Variants in SCP2 observed in about 807,000 individuals in gnomAD.
SCP2 encodes sterol carrier protein 2, also known as SCP-2/3-oxoacyl-CoA thiolase.
A neutral mutation model predicts 71.4 loss-of-function variants in SCP2; 48 were observed. That is an observed-to-expected ratio of 0.67 (90% CI 0.53 to 0.86). The LOEUF is 0.86. Among genes scored for constraint, SCP2 ranks in the 40% least tolerant of loss-of-function variants. The pLI, the probability that SCP2 is intolerant of heterozygous loss-of-function variation, is 0.00. For synonymous variants in SCP2, 220 were observed against 218.1 expected (o/e 1.01, Z -0.08); for missense variants, 560 against 655.6 (o/e 0.85, Z 1.59).
rs1036904456 is a variant in SCP2 at position 53,047,802 on chromosome 1, A to G, written c.1469-56A>G. ...AGTCAGTGGCTCTTGACAAAAATGTATATGTGAAACTGAACACCTCCTATT... is the reference window on the plus strand; with the variant it reads ...AGTCAGTGGCTCTTGACAAAAATGTGTATGTGAAACTGAACACCTCCTATT... On this transcript the variant is annotated intron_variant, in intron 14 of 15. Transcript: ENST00000371514. The G allele has an allele frequency of 4.9e-6, 6 of 1,226,672 alleles. No homozygotes were observed. In the South Asian group the frequency reaches 7.2e-5, roughly 15 times the overall value. The allele number at this position is 1,226,672 out of a possible 1,614,324, so 76.0% of individuals were successfully genotyped here. A position where few individuals can be genotyped will look rare whatever the true frequency, so the allele number is the denominator to read the frequency against.
In SCP2 at chr1:52,984,564, T is replaced by C. The variant is rs554561862; in HGVS notation, c.974-3465T>C. ...TTTTTTTTTTTTCTTTGAGATGGAG[T>C]TTCTCTCTTGTTGCCCAGGCTGGAG... On this transcript the variant is annotated intron_variant, in intron 10 of 15. Coordinates refer to ENST00000371514, the MANE Select transcript of SCP2 (RefSeq NM_002979.5). Among the ~76,000 whole-genome samples, 10 of 151,748 alleles carry C rather than the reference T, an allele frequency of 6.6e-5. No individual in the cohort carries two copies. In the East Asian group the frequency reaches 1.4e-3, roughly 21 times the overall value.
At chr1:53,035,976 G>T (rs986112220) in intron 13 of SCP2, among the ~76,000 whole-genome samples, 1 of 144,426 alleles carries the variant, frequency 6.9e-6, no homozygotes, top group Non-Finnish European at 1.5e-5. Flanking sequence ...GCCGAGATCA[G>T]GCCACTGCAC....
intron 12 of SCP2, among the ~76,000 whole-genome samples, chr1:53,025,191 C>T (rs529893006): frequency 6.6e-6 from 1 of 152,062 alleles, no homozygotes; most frequent in Admixed American, 6.6e-5. Flanking sequence ...CAGTTTGCCC[C>T]TCCCTCCTGG....
chr1:52,995,443 G>A (rs771666786), intron 11 of SCP2: 2 of 443,258 alleles, frequency 4.5e-6, no homozygotes, highest in Non-Finnish European at 4.6e-6. Context: ...CCACTTCCCT[G>A]GCCAGCTCAA....
chr1:53,047,601 T>C (rs1572239740), intron 14 of SCP2, among the ~76,000 whole-genome samples: 1 of 152,242 alleles, frequency 6.6e-6, no homozygotes, highest in South Asian at 2.1e-4. Context: ...TCATTTCTTA[T>C]TGTGGCTTGT....
chr1:52,972,043 C>A (rs1386160044), intron 6 of SCP2, among the ~76,000 whole-genome samples: 1 of 152,088 alleles, frequency 6.6e-6, no homozygotes, highest in Non-Finnish European at 1.5e-5. Context: ...CTGAGGCTAT[C>A]ATTTGGGGGT....
intron 1 of SCP2, among the ~76,000 whole-genome samples, chr1:52,929,184 C>T (rs1572031726): frequency 6.9e-6 from 1 of 144,396 alleles, no homozygotes; most frequent in East Asian, 2.0e-4. Context: ...ATTGACTAGA[C>T]AACACTGTAA....
chr1:53,042,558 A>G (rs929813495), intron 14 of SCP2, among the ~76,000 whole-genome samples: 1 of 152,148 alleles, frequency 6.6e-6, no homozygotes, highest in Non-Finnish European at 1.5e-5. Context: ...TGAAACTGAC[A>G]CTTATTGGCA....
chr1:53,026,740 C>G (rs6588452), intron 12 of SCP2, among the ~76,000 whole-genome samples: 2 of 151,738 alleles, frequency 1.3e-5, no homozygotes, highest in South Asian at 4.1e-4. Context: ...ACCAGGAGTT[C>G]GAGGTTACAG....
At chr1:53,027,906 A>G in intron 12 of SCP2, 63 bp from the exon 13 acceptor site, 1 of 893,522 alleles carries the variant, frequency 1.1e-6, no homozygotes, top group East Asian at 2.5e-5. Flanking sequence ...TTACTATTTT[A>G]TAAATGTTGA....
At chr1:52,936,291 C>T (rs899191298) in intron 1 of SCP2, among the ~76,000 whole-genome samples, 5 of 152,106 alleles carry the variant, frequency 3.3e-5, no homozygotes, top group Non-Finnish European at 5.9e-5. Flanking sequence ...CCTTCATAAT[C>T]GAAAGCTCTT....
chr1:52,977,816 C>T (rs1347087443), intron 8 of SCP2, among the ~76,000 whole-genome samples: 1 of 152,072 alleles, frequency 6.6e-6, no homozygotes, highest in Non-Finnish European at 1.5e-5. Flanking sequence ...CAAAATTAGC[C>T]AGGCGTGGTA....
intron 11 of SCP2, among the ~76,000 whole-genome samples, chr1:53,014,318 T>TAA (rs1661189688): frequency 6.6e-6 from 1 of 152,194 alleles, no homozygotes; most frequent in Non-Finnish European, 1.5e-5. Context: ...TAGCCTGCTT[T>TAA]GTAACCATTC....
intron 6 of SCP2, among the ~76,000 whole-genome samples, chr1:52,962,823 T>A (rs550794699): frequency 6.6e-6 from 1 of 152,224 alleles, no homozygotes; most frequent in African/African-American, 2.4e-5. Context: ...TCCTGCTTTA[T>A]CATTTTATAT....
At chr1:52,943,084 T>C (rs558716608) in intron 2 of SCP2, among the ~76,000 whole-genome samples, 34 of 152,312 alleles carry the variant, frequency 2.2e-4, no homozygotes, top group African/African-American at 6.7e-4. Context: ...ACTTGATTTC[T>C]GTACTCTATT....
At chr1:52,939,614 T>C (rs1239693571) in intron 1 of SCP2, among the ~76,000 whole-genome samples, 1 of 152,208 alleles carries the variant, frequency 6.6e-6, no homozygotes, top group African/African-American at 2.4e-5. Context: ...TTTCAACTCC[T>C]TTGGGTAAAT....
In SCP2 at chr1:53,014,992, G is replaced by C; in HGVS notation, c.1184G>C (p.Gly395Ala). ...GCTCTGCAGCATAATTTAGGCATTG[G>C]AGGAGCTGTGGTTGTAACACTCTAC... The part of the protein sequence containing the change: ...KVALQHNLGI[G>A]GAVVVTLYKM... The change falls in exon 12 of 16, where the codon GGA becomes GCA. Residue 395 changes from glycine to alanine, a missense_variant. Physicochemically the swap from Gly to Ala is moderately conservative, Grantham distance 60. Coordinates refer to ENST00000371514, the MANE Select transcript of SCP2 (RefSeq NM_002979.5). 1 of 1,614,156 alleles carries C rather than the reference G, an allele frequency of 6.2e-7. No homozygotes were observed. Among genetic ancestry groups the C allele is most frequent in the South Asian group, 1.1e-5 (1 of 91,082 alleles).
chr1:52,968,033 T>C (rs113269162), intron 6 of SCP2, among the ~76,000 whole-genome samples: 10,167 of 152,148 alleles, frequency 0.067, 580 homozygotes, highest in East Asian at 0.21. Flanking sequence ...CTCTGCCTCC[T>C]GGGTTCAAGC....
chr1:52,987,607 T>TC (rs1222839298), intron 10 of SCP2, among the ~76,000 whole-genome samples: 1 of 152,192 alleles, frequency 6.6e-6, no homozygotes, highest in East Asian at 1.9e-4. Context: ...GTGCCTTTTT[T>TC]CTCCTGTTTT....
Sources: gnomAD v4.1 joint callset for allele counts (sites outside exome capture counted in the v4.1 genomes callset) on GRCh38, gnomAD v4.1.1 for gene constraint, MANE v1.5 for transcripts, NCBI Gene and HGNC (gene_info 2026-07-23, HGNC 2026-07-21) for gene names.